Variants in DLGAP2 observed in about 807,000 individuals in gnomAD.
The protein encoded by DLGAP2 is DLG associated protein 2.
DLGAP2 carries 26 observed loss-of-function variants against 100.3 expected under a neutral mutation model. The ratio of observed to expected loss-of-function variants is 0.26; its 90% CI spans 0.19 to 0.36. DLGAP2 has a LOEUF of 0.36. DLGAP2 is among the 10% of genes least tolerant of loss of function. The pLI, the probability that DLGAP2 is intolerant of heterozygous loss-of-function variation, is 1.00. For synonymous variants in DLGAP2, 886 were observed against 630.1 expected (o/e 1.41, Z -6.08); for missense variants, 1,858 against 1,453.2 (o/e 1.28, Z -4.53).
At chr8:968,237 A>T (rs1389136298) in intron 2 of DLGAP2, among the ~76,000 whole-genome samples, 1 of 152,158 alleles carries the variant, frequency 6.6e-6, no homozygotes, top group Non-Finnish European at 1.5e-5. Flanking sequence ...TGATTATGAC[A>T]GCTATGCCCG....
At chr8:1,490,510 A>T (rs1224796225) in intron 3 of DLGAP2, among the ~76,000 whole-genome samples, 2 of 152,234 alleles carry the variant, frequency 1.3e-5, no homozygotes, top group East Asian at 3.8e-4. Context: ...AGAGAGGGTG[A>T]TGGGAGAGTC....
At chr8:1,509,448 G>C (rs753122595) in intron 4 of DLGAP2, among the ~76,000 whole-genome samples, 35 of 152,096 alleles carry the variant, frequency 2.3e-4, no homozygotes, top group Non-Finnish European at 4.7e-4. Flanking sequence ...GTTAGGTTCT[G>C]ATGTAAAATA....
intron 2 of DLGAP2, among the ~76,000 whole-genome samples, chr8:1,092,103 C>G (rs1804203855): frequency 6.6e-6 from 1 of 152,206 alleles, no homozygotes; most frequent in Admixed American, 6.5e-5. Flanking sequence ...TGGGGACTCT[C>G]ATGGGAGCGG....
intron 8 of DLGAP2, among the ~76,000 whole-genome samples, chr8:1,667,870 G>T (rs1424481520): frequency 1.3e-5 from 2 of 151,882 alleles, no homozygotes; most frequent in African/African-American, 4.8e-5. Flanking sequence ...TCTGCTGCTG[G>T]GTTTGCTGGT....
intron 1 of DLGAP2, among the ~76,000 whole-genome samples, chr8:801,147 G>A (rs559127728): frequency 6.6e-5 from 10 of 152,334 alleles, no homozygotes; most frequent in Non-Finnish European, 8.8e-5. Flanking sequence ...TTGTGCCTGC[G>A]TGTTTCTCTC....
intron 3 of DLGAP2, among the ~76,000 whole-genome samples, chr8:1,472,488 C>A (rs1798830701): frequency 6.6e-6 from 1 of 152,104 alleles, no homozygotes; most frequent in Non-Finnish European, 1.5e-5. Flanking sequence ...CTTTTGAAAT[C>A]ACTAAACAAG....
chr8:968,994 G>A (rs770652085), intron 2 of DLGAP2, among the ~76,000 whole-genome samples: 20 of 152,242 alleles, frequency 1.3e-4, no homozygotes, highest in Non-Finnish European at 2.2e-4. Flanking sequence ...TTGCTGCATA[G>A]TGTGTGGGTT....
chr8:1,202,159 A>G (rs1797891481), intron 2 of DLGAP2, among the ~76,000 whole-genome samples: 1 of 151,806 alleles, frequency 6.6e-6, no homozygotes, highest in Admixed American at 6.6e-5. Context: ...TGTGGTGTGT[A>G]CAGTATCTGT....
intron 2 of DLGAP2, among the ~76,000 whole-genome samples, chr8:976,528 C>T (rs1041104249): frequency 2.0e-5 from 3 of 152,138 alleles, no homozygotes; most frequent in Non-Finnish European, 4.4e-5. Context: ...AGGCGAATGG[C>T]GTGAACCCGG....
At chr8:1,151,391 G>T (rs1796694127) in intron 2 of DLGAP2, among the ~76,000 whole-genome samples, 1 of 152,178 alleles carries the variant, frequency 6.6e-6, no homozygotes, top group African/African-American at 2.4e-5. Context: ...TTTAACAAAG[G>T]GTAACACGAT....
At chr8:997,335 G>A (rs1800809721) in intron 2 of DLGAP2, among the ~76,000 whole-genome samples, 1 of 152,098 alleles carries the variant, frequency 6.6e-6, no homozygotes, top group Non-Finnish European at 1.5e-5. Flanking sequence ...AATATCTGGG[G>A]AGCCCGGATC....
rs1367088278 is a variant in DLGAP2 at position 1,354,667 on chromosome 8, G to A, written c.106+95784G>A. ...GCTGCGGATGAAGGTGGAAAGTCAC[G>A]GATGATGCTGCGGATGAAGGTGGAA... On this transcript the variant is annotated intron_variant, in intron 3 of 14. Transcript: ENST00000637795. Among the ~76,000 whole-genome samples, 1,022 of 109,666 alleles carry A rather than the reference G, an allele frequency of 9.3e-3. 4 individuals are homozygous for A. The highest frequency in any genetic ancestry group is 0.029 in the African/African-American group (814 of 27,950). 71.9% of individuals were successfully genotyped at this position (109,666 alleles called of 152,430 possible). A position where few individuals can be genotyped will look rare whatever the true frequency, so the allele number is the denominator to read the frequency against.
At chr8:1,291,534 T>A (rs1361861102) in intron 3 of DLGAP2, among the ~76,000 whole-genome samples, 2 of 152,106 alleles carry the variant, frequency 1.3e-5, no homozygotes, top group Non-Finnish European at 2.9e-5. Flanking sequence ...ACAGAGGGTT[T>A]TGTGGTATAT....
intron 2 of DLGAP2, among the ~76,000 whole-genome samples, chr8:1,241,641 C>G (rs927905592): frequency 6.6e-6 from 1 of 152,090 alleles, no homozygotes; most frequent in African/African-American, 2.4e-5. Context: ...TTGTAAAATA[C>G]TCCATTTTAA....
chr8:1,552,430 G>A (rs1801801332), intron 5 of DLGAP2, among the ~76,000 whole-genome samples: 1 of 152,212 alleles, frequency 6.6e-6, no homozygotes, highest in Admixed American at 6.5e-5. Flanking sequence ...ACCCCTCATG[G>A]AAGGATCTAT....
chr8:939,253 G>A (rs867919227), intron 2 of DLGAP2, among the ~76,000 whole-genome samples: 14 of 79,128 alleles, frequency 1.8e-4, no homozygotes, highest in Admixed American at 3.6e-4. Context: ...CTGGGAGTGG[G>A]AGGTGCAGAC....
At chr8:1,519,200 A>G (rs950207284) in intron 4 of DLGAP2, among the ~76,000 whole-genome samples, 4 of 152,218 alleles carry the variant, frequency 2.6e-5, no homozygotes, top group African/African-American at 9.6e-5. Flanking sequence ...AAAATGAGCA[A>G]CGCTGTCCTG....
intron 2 of DLGAP2, among the ~76,000 whole-genome samples, chr8:1,180,633 T>C (rs900831369): frequency 3.0e-4 from 24 of 79,478 alleles, no homozygotes; most frequent in African/African-American, 1.1e-3. Flanking sequence ...CCATCAAGCG[T>C]GTCAGTGTGC....
chr8:741,730 C>G (rs1389187967), intron 1 of DLGAP2, among the ~76,000 whole-genome samples: 2 of 152,230 alleles, frequency 1.3e-5, no homozygotes, highest in African/African-American at 4.8e-5. Flanking sequence ...TAGGGAACAC[C>G]TGCCACCTCA....
Sources: allele counts gnomAD v4.1 joint callset (sites outside exome capture counted in the v4.1 genomes callset), GRCh38; gene constraint gnomAD v4.1.1; transcripts MANE v1.5; gene names NCBI Gene and HGNC (gene_info 2026-07-23, HGNC 2026-07-21).